ADARB2: variants seen among roughly 807,000 people sequenced by gnomAD.
The protein encoded by ADARB2 is inactive double-stranded RNA-specific editase B2.
In ADARB2, 25 loss-of-function variants were observed where a neutral mutation model predicts 62.2. That is an observed-to-expected ratio of 0.40 (90% CI 0.29 to 0.56). The LOEUF is 0.56. Ranked by LOEUF, ADARB2 falls within the 20% of genes least tolerant of loss-of-function variation. ADARB2 has a pLI of 0.43. For missense variants in ADARB2, 1,071 were observed against 1,077.4 expected (o/e 0.99, Z 0.08); for synonymous variants, 572 against 500.8 (o/e 1.14, Z -1.90).
rs1297392454 is a variant in ADARB2, at chr10:1,200,078, G to A, written c.1752C>T (p.Ile584=). Residue 584 remains isoleucine, a synonymous_variant, in exon 8 of 10, where the codon ATC becomes ATT. Coordinates refer to ENST00000381312, the MANE Select transcript of ADARB2 (RefSeq NM_018702.4). ...CCGTGTGGTGCAGGCTGCCCACCAC[G>A]ATGCTCTGCAGGTACACGGGCTCCA... ...HFVEPVYLQS[I]VVGSLHHTGH... 5 of 1,578,110 alleles carry A rather than the reference G, an allele frequency of 3.2e-6. No individual in the cohort carries two copies. Among genetic ancestry groups the A allele is most frequent in the African/African-American group, 1.3e-5 (1 of 74,254 alleles).
intron 1 of ADARB2, among the ~76,000 whole-genome samples, chr10:1,639,711 G>A (rs558794455): frequency 9.0e-4 from 137 of 152,172 alleles, no homozygotes; most frequent in African/African-American, 2.8e-3. Context: ...GTGTGGTGGC[G>A]GGCGCCTGTA....
intron 1 of ADARB2, among the ~76,000 whole-genome samples, chr10:1,554,777 C>T (rs555988617): frequency 1.1e-4 from 16 of 152,176 alleles, no homozygotes; most frequent in African/African-American, 2.4e-4. Flanking sequence ...TCAGGAGGTA[C>T]GTGTGCAGGT....
intron 3 of ADARB2, among the ~76,000 whole-genome samples, chr10:1,357,794 C>T (rs147461150): frequency 1.1e-4 from 16 of 152,276 alleles, no homozygotes; most frequent in Admixed American, 2.6e-4. Flanking sequence ...AAGCATGGAG[C>T]GCGTACTCTA....
At chr10:1,416,717 C>T (rs966446042) in intron 1 of ADARB2, among the ~76,000 whole-genome samples, 1 of 152,256 alleles carries the variant, frequency 6.6e-6, no homozygotes, top group Non-Finnish European at 1.5e-5. Context: ...TGGCAGTCAA[C>T]CAGGTGCTCC....
chr10:1,623,587 A>G (rs1740922592), intron 1 of ADARB2, among the ~76,000 whole-genome samples: 1 of 152,338 alleles, frequency 6.6e-6, no homozygotes, highest in East Asian at 1.9e-4. Context: ...GGCATGGTCC[A>G]CCGTGAGCCG....
intron 1 of ADARB2, among the ~76,000 whole-genome samples, chr10:1,687,367 C>G (rs1476090654): frequency 6.6e-6 from 1 of 152,090 alleles, no homozygotes; most frequent in African/African-American, 2.4e-5. Context: ...GGCTTCTCCT[C>G]CCTGCCTAAG....
At chr10:1,668,859 T>A (rs1482920479) in intron 1 of ADARB2, among the ~76,000 whole-genome samples, 1 of 152,226 alleles carries the variant, frequency 6.6e-6, no homozygotes, top group East Asian at 1.9e-4. Context: ...CTGCTTCTGT[T>A]ACATCCAGGA....
rs114618806 is a variant in ADARB2, at chr10:1,543,426, A to G, written c.101-164266T>C. 2.6e-3 allele frequency among the ~76,000 whole-genome samples: 399 copies of G among 152,296 alleles called. 4 individuals carry two copies. Among genetic ancestry groups the G allele is most frequent in the African/African-American group, 9.2e-3 (383 of 41,540 alleles). ...CAACAAGCCTGTTATTCAGTATTCC[A>G]TTTTTGATAGCTCATTGTATCTAAA... On this transcript the variant is annotated intron_variant, in intron 1 of 9. Coordinates refer to ENST00000381312, the MANE Select transcript of ADARB2 (RefSeq NM_018702.4).
chr10:1,674,589 C>T (rs940894753), intron 1 of ADARB2, among the ~76,000 whole-genome samples: 4 of 152,176 alleles, frequency 2.6e-5, no homozygotes, highest in African/African-American at 7.2e-5. Context: ...TTACTCCTGT[C>T]AAGCCCTTTG....
chr10:1,653,912 C>T (rs1224905416), intron 1 of ADARB2, among the ~76,000 whole-genome samples: 2 of 152,128 alleles, frequency 1.3e-5, no homozygotes, highest in African/African-American at 4.8e-5. Flanking sequence ...ACAATGAAGT[C>T]AGGACCCCCA....
chr10:1,337,743 A>G (rs1347264484), intron 3 of ADARB2, among the ~76,000 whole-genome samples: 1 of 152,206 alleles, frequency 6.6e-6, no homozygotes, highest in Admixed American at 6.5e-5. Context: ...CGATTTTACT[A>G]TATTGATTTT....
chr10:1,524,774 T>A (rs1162781457), intron 1 of ADARB2, among the ~76,000 whole-genome samples: 1 of 151,998 alleles, frequency 6.6e-6, no homozygotes, highest in Non-Finnish European at 1.5e-5. Flanking sequence ...ACAGGTGCTG[T>A]GAGGGTCCAG....
intron 1 of ADARB2, among the ~76,000 whole-genome samples, chr10:1,520,703 C>A (rs563846832): frequency 6.6e-5 from 10 of 152,200 alleles, no homozygotes; most frequent in Non-Finnish European, 1.3e-4. Context: ...GAGTTAAGGT[C>A]ATTCTGTGTG....
chr10:1,636,559 C>T (rs12266060), intron 1 of ADARB2, among the ~76,000 whole-genome samples: 36,064 of 151,708 alleles, frequency 0.24, 4,587 homozygotes, highest in Middle Eastern at 0.33. Context: ...GGGGAGGCTC[C>T]GCACAGACCA....
rs538630613 is a variant in ADARB2 at position 1,278,948 on chromosome 10, C to A, written c.1078-7879G>T. ...CATCAACCTCTCGAATGAATGACTG[C>A]GTGTATGGATAAGTGAAACTCTCAA... On this transcript the variant is annotated intron_variant, in intron 3 of 9. Transcript: ENST00000381312. Among the ~76,000 whole-genome samples the A allele has an allele frequency of 5.8e-4, 88 of 152,172 alleles. 1 individual carries two copies. Among genetic ancestry groups the A allele is most frequent in the African/African-American group, 1.7e-3 (72 of 41,520 alleles).
chr10:1,433,215 C>G (rs1304668216), intron 1 of ADARB2, among the ~76,000 whole-genome samples: 1 of 152,162 alleles, frequency 6.6e-6, no homozygotes, highest in African/African-American at 2.4e-5. Context: ...GCCAGGACCA[C>G]AGCATTCTCC....
chr10:1,350,950 C>T (rs992018563), intron 3 of ADARB2, among the ~76,000 whole-genome samples: 4 of 152,326 alleles, frequency 2.6e-5, no homozygotes, highest in East Asian at 3.9e-4. Context: ...ATCTCCAGCA[C>T]GCAAGAACTG....
Position 1,303,503 on chromosome 10 carries a change from G to A in ADARB2, c.1078-32434C>T, listed in dbSNP as rs954730224. Among the ~76,000 whole-genome samples, 402 of 152,236 alleles carry A rather than the reference G, an allele frequency of 2.6e-3. 3 individuals are homozygous for A. Among genetic ancestry groups the A allele is most frequent in the African/African-American group, 9.2e-3 (381 of 41,528 alleles). ...CCCCAATCTAGCAAGGCAGGCCAAC[G>A]TTCAGATTCGGGAAATACAGAGAAT... On this transcript the variant is annotated intron_variant, in intron 3 of 9. Coordinates refer to ENST00000381312, the MANE Select transcript of ADARB2 (RefSeq NM_018702.4).
rs374622545 is a variant in ADARB2, at chr10:1,454,587, A to C, written c.101-75427T>G. ...AAACTAAGCCAGTCACAAAAGGACA[A>C]ACAATGAACAATGTCACCTGCATGA... On this transcript the variant is annotated intron_variant, in intron 1 of 9. Transcript: ENST00000381312. 2.6e-5 allele frequency among the ~76,000 whole-genome samples: 4 copies of C among 152,312 alleles called. No homozygotes were observed. The East Asian group carries it at 5.8e-4, about 22-fold the overall frequency.
Sources: gnomAD v4.1 joint callset for allele counts (sites outside exome capture counted in the v4.1 genomes callset) on GRCh38, gnomAD v4.1.1 for gene constraint, MANE v1.5 for transcripts, NCBI Gene and HGNC (gene_info 2026-07-23, HGNC 2026-07-21) for gene names.